Variants in RARB observed in about 807,000 individuals in gnomAD.
RARB encodes HBV-activated protein.
A neutral mutation model predicts 51.9 loss-of-function variants in RARB; 17 were observed. That is an observed-to-expected ratio of 0.33 (90% CI 0.22 to 0.49). The LOEUF (loss-of-function observed/expected upper bound fraction) is 0.49, where lower values mean the gene tolerates loss of function less well. RARB is among the 20% of genes least tolerant of loss of function. The pLI, the probability that RARB is intolerant of heterozygous loss-of-function variation, is 0.99. For synonymous variants in RARB, 215 were observed against 195.4 expected, an observed-to-expected ratio of 1.10 and a Z score of -0.84; for missense variants, 369 against 550.8, an observed-to-expected ratio of 0.67 and a Z score of 3.30.
At chr3:25,168,678 AG>A (rs1700596983) in intron 4 of RARB, among the ~76,000 whole-genome samples, 2 of 152,342 alleles carry the variant, frequency 1.3e-5, no homozygotes, top group Non-Finnish European at 2.9e-5. Context: ...TGGAAGTTAA[AG>A]GTGAGGATAT....
chr3:24,976,602 C>G (rs959423131), intron 2 of RARB, among the ~76,000 whole-genome samples: 1 of 152,048 alleles, frequency 6.6e-6, no homozygotes, highest in African/African-American at 2.4e-5. Flanking sequence ...CCTTTGTCCA[C>G]TTTTTGAAGG....
chr3:25,360,436 A>C (rs752800874), intron 5 of RARB, among the ~76,000 whole-genome samples: 1 of 152,184 alleles, frequency 6.6e-6, no homozygotes, highest in African/African-American at 2.4e-5. Flanking sequence ...CCAATTTGCC[A>C]GTCTGTGTCT....
Position 25,283,345 on chromosome 3 carries a change from TCTTC to T in RARB, c.178+108772_178+108775del, listed in dbSNP as rs567233497. 1.4e-3 allele frequency among the ~76,000 whole-genome samples: 216 copies of T among 152,318 alleles called. 1 individual carries two copies. Among genetic ancestry groups the T allele is most frequent in the African/African-American group, 5.1e-3 (213 of 41,580 alleles). On this transcript the variant is annotated intron_variant, in intron 5 of 11. Transcript: ENST00000383772. ...AGAATAGCAACTCAACGTGTGGGCC[TCTTC>T]CATGGCAGGTCATTTTTGCTTTCTT... is the stretch of plus-strand genomic sequence containing the variant.
At chr3:25,305,913 G>T (rs1704142773) in intron 5 of RARB, among the ~76,000 whole-genome samples, 1 of 152,142 alleles carries the variant, frequency 6.6e-6, no homozygotes, top group African/African-American at 2.4e-5. Context: ...TTTGCAGCCT[G>T]TCTGGTACCC....
intron 5 of RARB, among the ~76,000 whole-genome samples, chr3:25,280,945 C>T (rs926472835): frequency 3.3e-5 from 5 of 152,086 alleles, no homozygotes; most frequent in Middle Eastern, 3.4e-3. Context: ...AGCAGGGTCA[C>T]AAAAAGAAGG....
At chr3:25,161,213 T>TG (rs1328925410) in intron 4 of RARB, among the ~76,000 whole-genome samples, 2 of 121,920 alleles carry the variant, frequency 1.6e-5, no homozygotes, top group Non-Finnish European at 3.6e-5. Flanking sequence ...ATTATTATTA[T>TG]TATTTTGTAT....
At chr3:25,096,343 G>A (rs901196035) in intron 3 of RARB, among the ~76,000 whole-genome samples, 2 of 152,100 alleles carry the variant, frequency 1.3e-5, no homozygotes, top group African/African-American at 4.8e-5. Context: ...GGGAGAGAAG[G>A]AAGATAAGCA....
At chr3:24,954,952 G>A (rs2125407851) in intron 2 of RARB, among the ~76,000 whole-genome samples, 1 of 152,240 alleles carries the variant, frequency 6.6e-6, no homozygotes, top group Non-Finnish European at 1.5e-5. Flanking sequence ...GTGTGTTACA[G>A]ATAATGCTCT....
intron 2 of RARB, among the ~76,000 whole-genome samples, chr3:24,992,913 TTTGAG>T (rs1249791374): frequency 6.6e-6 from 1 of 152,216 alleles, no homozygotes; most frequent in Non-Finnish European, 1.5e-5. Context: ...CATAGATTTA[TTTGAG>T]TTTTCTACTT....
At chr3:24,933,104 T>G (rs1275187237) in intron 2 of RARB, among the ~76,000 whole-genome samples, 1 of 152,080 alleles carries the variant, frequency 6.6e-6, no homozygotes, top group Non-Finnish European at 1.5e-5. Flanking sequence ...GAAAACATAA[T>G]TCAGCAGAAA....
At chr3:25,449,833 C>T (rs1388102244) in intron 1 of RARB, among the ~76,000 whole-genome samples, 8 of 151,846 alleles carry the variant, frequency 5.3e-5, no homozygotes, top group Admixed American at 3.9e-4. Context: ...CTCACTGCAA[C>T]CTCCACCTCC....
chr3:25,246,279 C>A lies in RARB; in HGVS notation c.178+71704C>A, dbSNP rs370005387. 4.6e-5 allele frequency among the ~76,000 whole-genome samples: 7 copies of A among 152,142 alleles called. No homozygotes were observed. In the East Asian group the frequency reaches 1.4e-3, roughly 30 times the overall value. On this transcript the variant is annotated intron_variant, in intron 5 of 11. Transcript: ENST00000383772. ...TGGATTAGAACATGCTCCTTTAGCA[C>A]GGAGGAGTTTGTTATTACCCATCTT...
intron 5 of RARB, among the ~76,000 whole-genome samples, chr3:25,240,986 T>A (rs1210456970): frequency 6.6e-6 from 1 of 152,184 alleles, no homozygotes; most frequent in East Asian, 1.9e-4. Context: ...AAGTTATTTA[T>A]TACCAAGTCA....
At chr3:25,195,471 G>A (rs965558637) in intron 5 of RARB, among the ~76,000 whole-genome samples, 4 of 151,970 alleles carry the variant, frequency 2.6e-5, no homozygotes, top group Non-Finnish European at 4.4e-5. Context: ...AGCACGTGAC[G>A]TCAGCTTGGA....
intron 4 of RARB, among the ~76,000 whole-genome samples, chr3:25,165,045 A>G (rs1338245944): frequency 6.6e-6 from 1 of 152,172 alleles, no homozygotes; most frequent in Non-Finnish European, 1.5e-5. Flanking sequence ...CTGAGTTAGT[A>G]TGGTCCTTCT....
intron 2 of RARB, among the ~76,000 whole-genome samples, chr3:25,477,204 A>C (rs754829609): frequency 6.6e-6 from 1 of 152,212 alleles, no homozygotes; most frequent in African/African-American, 2.4e-5. Flanking sequence ...TAGTTCTAGG[A>C]AAGTAAATGC....
chr3:25,446,912 G>A, intron 1 of RARB, among the ~76,000 whole-genome samples: 1 of 151,798 alleles, frequency 6.6e-6, no homozygotes, highest in Non-Finnish European at 1.5e-5. Context: ...TGGATTCAGG[G>A]GATGAACTCA....
chr3:25,161,065 T>G (rs1053516418), intron 4 of RARB, among the ~76,000 whole-genome samples: 1 of 151,976 alleles, frequency 6.6e-6, no homozygotes, highest in East Asian at 1.9e-4. Flanking sequence ...CAGGCTAGAG[T>G]GCAGTGGCCC....
chr3:25,440,873 T>C (rs1248318847), intron 1 of RARB, among the ~76,000 whole-genome samples: 1 of 152,188 alleles, frequency 6.6e-6, no homozygotes, highest in Non-Finnish European at 1.5e-5. Context: ...CTACTGAACC[T>C]TGTTCACTGA....
Sources: allele counts gnomAD v4.1 joint callset (sites outside exome capture counted in the v4.1 genomes callset), GRCh38; gene constraint gnomAD v4.1.1; transcripts MANE v1.5; gene names NCBI Gene and HGNC (gene_info 2026-07-23, HGNC 2026-07-21).